Variants in EXOC6B observed in about 807,000 individuals in gnomAD.
EXOC6B encodes the protein SEC15 homolog B.
A neutral mutation model predicts 113.5 loss-of-function variants in EXOC6B; 54 were observed. The ratio of observed to expected loss-of-function variants is 0.48; its 90% CI spans 0.38 to 0.60. EXOC6B has a LOEUF of 0.60. Among genes scored for constraint, EXOC6B ranks in the 20% least tolerant of loss-of-function variants. The pLI, the probability that EXOC6B is intolerant of heterozygous loss-of-function variation, is 0.00. For missense variants in EXOC6B, 797 were observed against 977.5 expected, an observed-to-expected ratio of 0.82 and a Z score of 2.46; for synonymous variants, 357 against 339.0, an observed-to-expected ratio of 1.05 and a Z score of -0.58.
chr2:72,323,762 A>C (rs1687976209), intron 20 of EXOC6B, among the ~76,000 whole-genome samples: 1 of 150,934 alleles, frequency 6.6e-6, no homozygotes, highest in Non-Finnish European at 1.5e-5. Context: ...GTATGTTCCC[A>C]CTCATAAGTG....
chr2:72,472,181 T>C (rs1344108676), intron 17 of EXOC6B, among the ~76,000 whole-genome samples: 2 of 152,270 alleles, frequency 1.3e-5, no homozygotes, highest in Non-Finnish European at 2.9e-5. Context: ...TTTTCTTTTG[T>C]TGTTGTTCCT....
chr2:72,822,051 A>C (rs1171435484), intron 1 of EXOC6B, among the ~76,000 whole-genome samples: 1 of 152,198 alleles, frequency 6.6e-6, no homozygotes, highest in African/African-American at 2.4e-5. Flanking sequence ...ATTAGACTGA[A>C]TGTTAATTGC....
intron 7 of EXOC6B, among the ~76,000 whole-genome samples, chr2:72,566,689 A>G (rs1411033378): frequency 1.3e-5 from 2 of 152,104 alleles, no homozygotes; most frequent in Admixed American, 6.5e-5. Context: ...AGTACATGGT[A>G]ATGTCAGTTT....
At chr2:72,625,293 C>A (rs1671987418) in intron 6 of EXOC6B, among the ~76,000 whole-genome samples, 1 of 150,452 alleles carries the variant, frequency 6.6e-6, no homozygotes, top group Non-Finnish European at 1.5e-5. Context: ...ATATATATAC[C>A]TAAAAAAGAC....
At chr2:72,259,426 T>A (rs1265481781) in intron 20 of EXOC6B, among the ~76,000 whole-genome samples, 1 of 152,228 alleles carries the variant, frequency 6.6e-6, no homozygotes, top group Non-Finnish European at 1.5e-5. Flanking sequence ...GTTTATCCAT[T>A]CTCATATTCA....
intron 19 of EXOC6B, among the ~76,000 whole-genome samples, chr2:72,353,999 T>A (rs1689824805): frequency 6.6e-6 from 1 of 152,172 alleles, no homozygotes; most frequent in Non-Finnish European, 1.5e-5. Context: ...AAGCTTCGGA[T>A]CACAACTAAA....
chr2:72,818,311 ATTTTTTTTTTTT>A (rs1183950982), intron 1 of EXOC6B, among the ~76,000 whole-genome samples: 4 of 117,812 alleles, frequency 3.4e-5, no homozygotes, highest in African/African-American at 1.3e-4. Context: ...GGCCCAGCTA[ATTTTTTTTTTTT>A]TTTTTTTTTT....
At chr2:72,692,415 G>A (rs1230999082) in intron 6 of EXOC6B, among the ~76,000 whole-genome samples, 13 of 149,584 alleles carry the variant, frequency 8.7e-5, no homozygotes, top group Non-Finnish European at 4.4e-5. Context: ...GCAGTGGCAC[G>A]ATGTCGGCTC....
chr2:72,782,819 C>T (rs1181379245), intron 1 of EXOC6B, among the ~76,000 whole-genome samples: 1 of 152,194 alleles, frequency 6.6e-6, no homozygotes, highest in African/African-American at 2.4e-5. Context: ...AACAAAATGA[C>T]ATCCAGTTCC....
intron 6 of EXOC6B, among the ~76,000 whole-genome samples, chr2:72,711,021 T>C (rs867241136): frequency 1.3e-5 from 2 of 152,190 alleles, no homozygotes; most frequent in Non-Finnish European, 2.9e-5. Context: ...ATGATTACAT[T>C]ACAAATGTTA....
At chr2:72,274,696 C>T (rs1174403343) in intron 20 of EXOC6B, among the ~76,000 whole-genome samples, 1 of 152,112 alleles carries the variant, frequency 6.6e-6, no homozygotes, top group Non-Finnish European at 1.5e-5. Flanking sequence ...ACAATTAGAT[C>T]ATTCCAATCT....
rs547731763 is a variant in EXOC6B at position 72,429,145 on chromosome 2, T to C, written c.1980+36015A>G. Among the ~76,000 whole-genome samples, 11 of 152,348 alleles carry C rather than the reference T, an allele frequency of 7.2e-5. No individual in the cohort carries two copies. In the East Asian group the frequency reaches 2.1e-3, roughly 29 times the overall value. ...TATTCTAAAACTTTTCTGAAAGTCATCATGGGAGTCACATATCCTGATGTT... is the reference window on the plus strand; with the variant it reads ...TATTCTAAAACTTTTCTGAAAGTCACCATGGGAGTCACATATCCTGATGTT... On this transcript the variant is annotated intron_variant, in intron 18 of 21. Coordinates refer to ENST00000272427, the MANE Select transcript of EXOC6B (RefSeq NM_015189.3).
At chr2:72,350,901 A>G (rs1207349425) in intron 19 of EXOC6B, among the ~76,000 whole-genome samples, 3 of 152,208 alleles carry the variant, frequency 2.0e-5, no homozygotes, top group Non-Finnish European at 2.9e-5. Context: ...TCAGCATTTC[A>G]AGTATTAAAA....
At chr2:72,454,390 G>C (rs1697089677) in intron 18 of EXOC6B, among the ~76,000 whole-genome samples, 1 of 152,064 alleles carries the variant, frequency 6.6e-6, no homozygotes, top group South Asian at 2.1e-4. Context: ...TGTAATCCTA[G>C]ACACTTTGCA....
chr2:72,182,976 G>A (rs1455310741), intron 21 of EXOC6B: 21 of 1,107,274 alleles, frequency 1.9e-5, no homozygotes, highest in Non-Finnish European at 2.4e-5. Flanking sequence ...AATCTCTGAC[G>A]TGGTCAGGAG....
Position 72,361,576 on chromosome 2 carries a change from T to C in EXOC6B, c.2122+18153A>G, listed in dbSNP as rs112875121. Among the ~76,000 whole-genome samples, 23 of 152,224 alleles carry C rather than the reference T, an allele frequency of 1.5e-4. 2 individuals carry two copies. Among genetic ancestry groups the C allele is most frequent in the Middle Eastern group, 3.4e-3 (1 of 294 alleles). On this transcript the variant is annotated intron_variant, in intron 19 of 21. Transcript: ENST00000272427. ...GGCAAGAATAGCTGGGCTCAAGTAG[T>C]GGAGAAAACAAAATTAAGTAGGCAG...
chr2:72,617,589 C>G (rs1671474734), intron 6 of EXOC6B, among the ~76,000 whole-genome samples: 1 of 126,830 alleles, frequency 7.9e-6, no homozygotes, highest in Non-Finnish European at 1.5e-5. Context: ...AAGGCGCGAT[C>G]TCAGCTCACT....
chr2:72,348,511 A>G (rs901565082), intron 19 of EXOC6B, among the ~76,000 whole-genome samples: 1 of 152,012 alleles, frequency 6.6e-6, no homozygotes, highest in Admixed American at 6.6e-5. Context: ...TCTTCATCTC[A>G]TTTTTGCTTT....
intron 1 of EXOC6B, among the ~76,000 whole-genome samples, chr2:72,793,618 G>A (rs913089511): frequency 2.6e-5 from 4 of 152,146 alleles, no homozygotes; most frequent in African/African-American, 7.2e-5. Flanking sequence ...ACATTTGAAC[G>A]AGGCCTTGAA....
Sources: allele counts gnomAD v4.1 joint callset (sites outside exome capture counted in the v4.1 genomes callset), GRCh38; gene constraint gnomAD v4.1.1; transcripts MANE v1.5; gene names NCBI Gene and HGNC (gene_info 2026-07-23, HGNC 2026-07-21).